PCDH15: variants seen among roughly 807,000 people sequenced by gnomAD.
PCDH15 encodes protocadherin related 15, also known as protocadherin-15.
Under a neutral mutation model 178.5 loss-of-function variants are expected in PCDH15, and 129 were observed. The observed-to-expected ratio is 0.72, with a 90% CI of 0.63 to 0.84. The LOEUF (loss-of-function observed/expected upper bound fraction) is 0.84. PCDH15 is among the 40% of genes least tolerant of loss of function. The pLI is 0.00. For missense variants in PCDH15, 2,230 were observed against 2,099.9 expected, an observed-to-expected ratio of 1.06 and a Z score of -1.21; for synonymous variants, 800 against 732.0, an observed-to-expected ratio of 1.09 and a Z score of -1.50.
At chr10:54,058,569 T>C (rs897226831) in intron 18 of PCDH15, among the ~76,000 whole-genome samples, 8 of 152,164 alleles carry the variant, frequency 5.3e-5, no homozygotes, top group African/African-American at 1.9e-4. Context: ...TTATGGGAGC[T>C]ACAGTTCGAG....
intron 28 of PCDH15, among the ~76,000 whole-genome samples, chr10:53,856,162 C>A (rs1039571680): frequency 2.0e-5 from 3 of 151,022 alleles, no homozygotes; most frequent in African/African-American, 7.3e-5. Flanking sequence ...AAAGACTGTA[C>A]GTTGGGTACA....
chr10:55,080,868 C>G (rs183451502), intron 2 of PCDH15, among the ~76,000 whole-genome samples: 1 of 152,150 alleles, frequency 6.6e-6, no homozygotes, highest in Admixed American at 6.6e-5. Flanking sequence ...CAGCCCCAGA[C>G]AGTCAGTTTT....
At chr10:55,217,128 T>C (rs994261249) in intron 1 of PCDH15, among the ~76,000 whole-genome samples, 22 of 151,854 alleles carry the variant, frequency 1.4e-4, no homozygotes, top group Admixed American at 5.9e-4. Context: ...TGAATGAACA[T>C]TGGTAACTGA....
At chr10:53,984,017 G>A (rs146417797) in intron 21 of PCDH15, among the ~76,000 whole-genome samples, 243 of 151,414 alleles carry the variant, frequency 1.6e-3, no homozygotes, top group African/African-American at 5.6e-3. Context: ...ATAACCTTCA[G>A]ACCTCCGCTC....
chr10:53,991,541 C>T (rs572854665), intron 21 of PCDH15, among the ~76,000 whole-genome samples: 1 of 152,062 alleles, frequency 6.6e-6, no homozygotes, highest in African/African-American at 2.4e-5. Context: ...CCAATCAGTG[C>T]TCTGTGTCTA....
chr10:55,459,017 C>T (rs1292595719), intron 2 of PCDH15, among the ~76,000 whole-genome samples: 1 of 151,828 alleles, frequency 6.6e-6, no homozygotes, highest in Non-Finnish European at 1.5e-5. Context: ...TCTGCTTTCT[C>T]CTGCAGAATG....
At chr10:55,575,779 C>T (rs1842486003) in intron 2 of PCDH15, 1 of 152,150 alleles carries the variant, frequency 6.6e-6, no homozygotes, top group South Asian at 2.1e-4. Context: ...ACGAACAATT[C>T]CCTTTGGACT....
chr10:55,219,414 T>C (rs1376624011), intron 1 of PCDH15, among the ~76,000 whole-genome samples: 1 of 151,948 alleles, frequency 6.6e-6, no homozygotes, highest in African/African-American at 2.4e-5. Context: ...ACATTAAGGA[T>C]GGCTATATTT....
At chr10:54,792,795 TCTAATTTC>T (rs1951545966) in intron 1 of PCDH15, among the ~76,000 whole-genome samples, 1 of 151,850 alleles carries the variant, frequency 6.6e-6, no homozygotes, top group African/African-American at 2.4e-5. Flanking sequence ...TTGTCACCTA[TCTAATTTC>T]CTATTCATTC....
At chr10:54,753,550 C>T (rs141026080) in intron 1 of PCDH15, among the ~76,000 whole-genome samples, 1 of 152,266 alleles carries the variant, frequency 6.6e-6, no homozygotes, top group Admixed American at 6.5e-5. Context: ...ACCCCATCAA[C>T]TTATTTGATC....
At chr10:54,510,952 T>G (rs886721384) in intron 3 of PCDH15, among the ~76,000 whole-genome samples, 1 of 152,150 alleles carries the variant, frequency 6.6e-6, no homozygotes, top group African/African-American at 2.4e-5. Flanking sequence ...CGACCACTGG[T>G]GAACAAATGA....
intron 26 of PCDH15, among the ~76,000 whole-genome samples, chr10:53,879,828 C>T (rs2080566928): frequency 6.6e-6 from 1 of 152,092 alleles, no homozygotes; most frequent in Admixed American, 6.6e-5. Flanking sequence ...TGGTCTTTAA[C>T]TCCTGGCCTC....
intron 3 of PCDH15, among the ~76,000 whole-genome samples, chr10:54,382,116 T>C (rs1198341779): frequency 6.6e-6 from 1 of 152,198 alleles, no homozygotes; most frequent in African/African-American, 2.4e-5. Flanking sequence ...AACACATTTC[T>C]TGGCTGGTCA....
intron 29 of PCDH15, among the ~76,000 whole-genome samples, chr10:53,837,003 T>TC (rs1192297489): frequency 6.6e-6 from 1 of 151,360 alleles, no homozygotes; most frequent in Non-Finnish European, 1.5e-5. Context: ...TTCAGTGAGT[T>TC]CATCAATAGG....
At chr10:54,520,113 G>GGC (rs2082685755) in intron 3 of PCDH15, among the ~76,000 whole-genome samples, 1 of 152,092 alleles carries the variant, frequency 6.6e-6, no homozygotes, top group African/African-American at 2.4e-5. Context: ...AAAAACCCTA[G>GGC]AAGAAAACCT....
At chr10:54,157,348 T>C (rs2045263941) in intron 13 of PCDH15, among the ~76,000 whole-genome samples, 1 of 152,188 alleles carries the variant, frequency 6.6e-6, no homozygotes, top group Non-Finnish European at 1.5e-5. Context: ...TTGACTTCTG[T>C]GCACCTGCAG....
intron 3 of PCDH15, among the ~76,000 whole-genome samples, chr10:54,459,127 AAGAG>A (rs149505418): frequency 1.3e-5 from 2 of 151,466 alleles, no homozygotes; most frequent in African/African-American, 4.8e-5. Flanking sequence ...GAAACAGAGA[AAGAG>A]AGAGAGAGAG....
chr10:54,223,115 C>T (rs1393787966), intron 9 of PCDH15, among the ~76,000 whole-genome samples: 2 of 151,810 alleles, frequency 1.3e-5, no homozygotes, highest in Non-Finnish European at 2.9e-5. Flanking sequence ...AGTTTGAAAC[C>T]AGCCTGACCA....
At chr10:54,718,864 T>C (rs2095512512) in intron 1 of PCDH15, among the ~76,000 whole-genome samples, 1 of 151,686 alleles carries the variant, frequency 6.6e-6, no homozygotes, top group African/African-American at 2.4e-5. Flanking sequence ...GTCCAGCTAA[T>C]TTTTGTATTT....
Sources: allele counts gnomAD v4.1 joint callset (sites outside exome capture counted in the v4.1 genomes callset), GRCh38; gene constraint gnomAD v4.1.1; transcripts MANE v1.5; gene names NCBI Gene and HGNC (gene_info 2026-07-23, HGNC 2026-07-21).